Variants in MED1 observed in about 807,000 individuals in gnomAD.
MED1 encodes mediator complex subunit 1, also known as mediator of RNA polymerase II transcription subunit 1.
Under a neutral mutation model 121.3 loss-of-function variants are expected in MED1, and 17 were observed. The observed-to-expected ratio is 0.14, with a 90% CI of 0.10 to 0.21. The LOEUF is 0.21. Among genes scored for constraint, MED1 ranks in the 10% least tolerant of loss-of-function variants. The pLI, the probability that MED1 is intolerant of heterozygous loss-of-function variation, is 1.00. For synonymous variants in MED1, 661 were observed against 694.4 expected, an observed-to-expected ratio of 0.95 and a Z score of 0.76; for missense variants, 1,558 against 1,919.4, an observed-to-expected ratio of 0.81 and a Z score of 3.52.
At chr17:39,412,072 C>A (rs2048360807) in intron 16 of MED1, among the ~76,000 whole-genome samples, 1 of 151,254 alleles carries the variant, frequency 6.6e-6, no homozygotes, top group South Asian at 2.1e-4. Context: ...TGACTTAGAT[C>A]ATCCCAAACC....
chr17:39,425,780 C>T (rs545106854), intron 10 of MED1, among the ~76,000 whole-genome samples: 8 of 146,992 alleles, frequency 5.4e-5, no homozygotes, highest in Non-Finnish European at 7.5e-5. Context: ...CCAGCCTGGG[C>T]GACAGAGTGA....
chr17:39,415,519 A>T (rs546446019), intron 14 of MED1, among the ~76,000 whole-genome samples, 180 bp from the exon 15 acceptor site: 3 of 152,046 alleles, frequency 2.0e-5, no homozygotes, highest in Admixed American at 1.3e-4. Flanking sequence ...ACTAAAAAAT[A>T]AAAAAAAGAG....
At chr17:39,417,062 G>A (rs887944006) in intron 14 of MED1, among the ~76,000 whole-genome samples, 1 of 152,102 alleles carries the variant, frequency 6.6e-6, no homozygotes, top group Non-Finnish European at 1.5e-5. Flanking sequence ...CAGGCATGGT[G>A]GCTCACGCAT....
intron 6 of MED1, among the ~76,000 whole-genome samples, chr17:39,435,204 T>C (rs2048607044): frequency 6.6e-6 from 1 of 151,854 alleles, no homozygotes; most frequent in Admixed American, 6.6e-5. Context: ...ACAACACTTG[T>C]GGGTATACAG....
chr17:39,406,567 T>C lies in MED1; in HGVS notation c.*908A>G. The C allele has an allele frequency of 7.1e-6, 7 of 985,436 alleles. No individual in the cohort carries two copies. The highest frequency in any genetic ancestry group is 8.4e-6 in the Non-Finnish European group (7 of 829,878). The allele number at this position is 985,436 out of a possible 1,614,324, so 61.0% of individuals were successfully genotyped here. A position where few individuals can be genotyped will look rare whatever the true frequency, so the allele number is the denominator to read the frequency against. On this transcript the variant is annotated 3_prime_UTR_variant, in exon 17 of 17. Coordinates refer to ENST00000300651, the MANE Select transcript of MED1 (RefSeq NM_004774.4). ...CCAACAAGCCACCTTAGCTTTTTTT[T>C]TTTTTTTTGAAAGGAAAATGAGATT...
rs2048338084 is a variant in MED1 at position 39,409,731 on chromosome 17, A to G, written c.2490T>C (p.Asn830=). The change falls in exon 17 of 17, where the codon AAT becomes AAC. Residue 830 remains asparagine, a synonymous_variant. Coordinates refer to ENST00000300651, the MANE Select transcript of MED1 (RefSeq NM_004774.4). ...CTGGATCAGTGTATGGATTTTCATTATTGTTAGTTTGAAAGACATCAGAGT... is the reference window on the plus strand; with the variant it reads ...CTGGATCAGTGTATGGATTTTCATTGTTGTTAGTTTGAAAGACATCAGAGT... ...LFDSDVFQTN[N]NENPYTDPAD... The G allele has an allele frequency of 1.9e-6, 3 of 1,614,026 alleles. No homozygotes were observed. The highest frequency in any genetic ancestry group is 1.3e-5 in the African/African-American group (1 of 74,904).
rs188574556 is a variant in MED1 at position 39,422,870 on chromosome 17, T to C, written c.1095+457A>G. ...AATACATTTCCGAGATTTCTTTTTT[T>C]TTTTTTTTTTTTTGAGACAGAGTCT... On this transcript the variant is annotated intron_variant, in intron 13 of 16. Transcript: ENST00000300651. Among the ~76,000 whole-genome samples the C allele has an allele frequency of 9.2e-3, 1,316 of 142,584 alleles. 16 individuals carry two copies. Among genetic ancestry groups the C allele is most frequent in the African/African-American group, 0.032 (1,246 of 39,150 alleles). 93.5% of individuals were successfully genotyped at this position (142,584 alleles called of 152,430 possible). A position where few individuals can be genotyped will look rare whatever the true frequency, so the allele number is the denominator to read the frequency against.
At position 39,427,685 on chromosome 17, in the gene MED1, A is replaced by G. The variant is rs1271284538; in HGVS notation, c.739+16T>C. 1 of 1,540,616 alleles carries G rather than the reference A, an allele frequency of 6.5e-7. No homozygotes were observed. On this transcript the variant is annotated intron_variant, in intron 10 of 16. Transcript: ENST00000300651. Reference sequence around the variant, plus strand: ...ACCGAACAAAACCTTTAATTCCTTTACAATTAAAGTCTTACCATTATTCTC... The same window carrying G: ...ACCGAACAAAACCTTTAATTCCTTTGCAATTAAAGTCTTACCATTATTCTC...
chr17:39,449,673 G>A (rs1455545008), intron 1 of MED1, among the ~76,000 whole-genome samples: 2 of 150,622 alleles, frequency 1.3e-5, no homozygotes, highest in East Asian at 3.9e-4. Flanking sequence ...ACTGTGCCTG[G>A]CTAATTTTGT....
At chr17:39,422,669 T>A (rs1389701735) in intron 13 of MED1, among the ~76,000 whole-genome samples, 1 of 149,770 alleles carries the variant, frequency 6.7e-6, no homozygotes, top group Non-Finnish European at 1.5e-5. Context: ...AGAGACGGGG[T>A]TTCACCATGT....
Position 39,408,597 on chromosome 17 carries a change from T to G in MED1, c.3624A>C (p.Pro1208=). The change falls in exon 17 of 17, where the codon CCA becomes CCC. Residue 1208 remains proline (P), a synonymous_variant. Coordinates refer to ENST00000300651, the MANE Select transcript of MED1 (RefSeq NM_004774.4). This position sits in a 1 kb window ranked among gnomAD's most constrained non-coding sequence, Gnocchi z 4.7. ...GAGGAGTTCCAGGAACAGGCTTCAT[T>G]GGAGAGGCAAGCTTGTCAGAGCCTC... is the stretch of plus-strand genomic sequence containing the variant. The part of the protein sequence containing the change: ...PPGGSDKLAS[P]MKPVPGTPPS... 1 of 1,614,172 alleles carries G rather than the reference T, an allele frequency of 6.2e-7. No homozygotes were observed. The highest frequency in any genetic ancestry group is 8.5e-7 in the Non-Finnish European group (1 of 1,180,022).
intron 13 of MED1, 40 bp from the exon 14 acceptor site, chr17:39,419,958 C>A: frequency 6.4e-7 from 1 of 1,565,060 alleles, no homozygotes; most frequent in Non-Finnish European, 8.8e-7. Context: ...ATTTAGTTAC[C>A]TATTGTATTC....
chr17:39,424,579 G>A (rs780947438), intron 11 of MED1, 48 bp downstream of exon 11: 23 of 1,254,060 alleles, frequency 1.8e-5, no homozygotes, highest in Non-Finnish European at 2.5e-5. Flanking sequence ...TACATACTGC[G>A]CTTTGAGAAA....
At chr17:39,441,136 A>G (rs192516431) in intron 3 of MED1, among the ~76,000 whole-genome samples, 57 of 152,320 alleles carry the variant, frequency 3.7e-4, no homozygotes, top group Admixed American at 1.3e-3. Flanking sequence ...ACCTTAAAAA[A>G]GAAAGAAATT....
chr17:39,421,886 T>C (rs2048468179), intron 13 of MED1, among the ~76,000 whole-genome samples: 2 of 149,416 alleles, frequency 1.3e-5, no homozygotes, highest in South Asian at 4.7e-4. Context: ...CCTAGCACTT[T>C]GGGAGGCCGA....
chr17:39,409,022 T>A lies in MED1; in HGVS notation c.3199A>T (p.Ile1067Phe). The A allele has an allele frequency of 6.2e-7, 1 of 1,614,164 alleles. No homozygotes were observed. The highest frequency in any genetic ancestry group is 8.5e-7 in the Non-Finnish European group (1 of 1,180,022). ...CCCACCATCACTGTTCCCTTAGGAA[T>A]CTGAATAGTGATTTTGGGAATGGGT... The part of the protein sequence containing the change: ...TPPIPKITIQ[I>F]PKGTVMVGKP... The change falls in exon 17 of 17, where the codon ATT (isoleucine) becomes TTT (phenylalanine). Residue 1067 changes from isoleucine (I) to phenylalanine (F), a missense_variant. Ile to Phe is a conservative substitution (Grantham distance 21). This residue lies in a region of MED1 where 793 missense variants were observed against 898.2 expected (regional missense o/e 0.88). Transcript: ENST00000300651.
intron 14 of MED1, among the ~76,000 whole-genome samples, chr17:39,418,329 A>T (rs1482141866): frequency 6.8e-6 from 1 of 146,870 alleles, no homozygotes. Context: ...GCTTCAGCCC[A>T]GGAGTTACAG....
chr17:39,416,531 T>C (rs757997151), intron 14 of MED1, among the ~76,000 whole-genome samples: 1 of 152,228 alleles, frequency 6.6e-6, no homozygotes, highest in Non-Finnish European at 1.5e-5. Flanking sequence ...CATAACTGCC[T>C]TATGAAAACT....
intron 3 of MED1, among the ~76,000 whole-genome samples, chr17:39,441,184 T>C (rs1321741637): frequency 6.6e-6 from 1 of 152,130 alleles, no homozygotes; most frequent in Non-Finnish European, 1.5e-5. Context: ...CTTGAAGACA[T>C]TACGTTTAGT....
Sources: gnomAD v4.1 joint callset for allele counts (sites outside exome capture counted in the v4.1 genomes callset) on GRCh38, gnomAD v4.1.1 for gene constraint, gnomAD v4.1.1 regional missense constraint, Gnocchi (gnomAD v3.1) non-coding constraint, MANE v1.5 for transcripts, NCBI Gene and HGNC (gene_info 2026-07-23, HGNC 2026-07-21) for gene names.